The following MDGA2 variants were observed in gnomAD, a reference collection of about 807,000 sequenced individuals.
MDGA2 encodes MAM domain-containing glycosylphosphatidylinositol anchor protein 2.
Under a neutral mutation model 117.8 loss-of-function variants are expected in MDGA2, and 40 were observed. The observed-to-expected ratio is 0.34, with a 90% confidence interval of 0.26 to 0.44. The LOEUF (loss-of-function observed/expected upper bound fraction) is 0.44. MDGA2 is among the 20% of genes least tolerant of loss of function. MDGA2 has a pLI of 1.00. For missense variants in MDGA2, 1,123 were observed against 1,250.6 expected (o/e 0.90, Z 1.54); for synonymous variants, 452 against 439.0 (o/e 1.03, Z -0.37).
chr14:47,274,926 T>A (rs1368259571), intron 2 of MDGA2, among the ~76,000 whole-genome samples: 2 of 152,138 alleles, frequency 1.3e-5, no homozygotes, highest in Non-Finnish European at 2.9e-5. Context: ...TTTCTACTAT[T>A]GAGTTGTAAG....
In MDGA2 at chr14:46,884,810, G is replaced by C. The variant is rs1882606670; in HGVS notation, c.2239-2589C>G. On this transcript the variant is annotated intron_variant, in intron 10 of 16. Transcript: ENST00000399232. The surrounding 1 kb of genome is among the most constrained non-coding windows in gnomAD (Gnocchi z 4.1). ...ATTTAAATCAGTTAGGAAAAATACA[G>C]AAAAAATGTTATTATGATCTCAGGT... Among the ~76,000 whole-genome samples, 2 of 151,372 alleles carry C rather than the reference G, an allele frequency of 1.3e-5. No homozygotes were observed. Among genetic ancestry groups the C allele is most frequent in the African/African-American group, 4.9e-5 (2 of 41,196 alleles).
chr14:47,199,613 A>G (rs1197078230), intron 3 of MDGA2, among the ~76,000 whole-genome samples: 2 of 152,182 alleles, frequency 1.3e-5, no homozygotes, highest in African/African-American at 4.8e-5. Context: ...GAAGTCTACT[A>G]ATAAGATACT....
chr14:46,961,646 AT>A lies in MDGA2; in HGVS notation c.1820-4004del, dbSNP rs1269991261. On this transcript the variant is annotated intron_variant, in intron 8 of 16. Coordinates refer to ENST00000399232, the MANE Select transcript of MDGA2 (RefSeq NM_001113498.3). ...AGTAATTGTTTTATACTGCCTGATAATTTTTTTTTTTTTTGAGATGGAGTCT... is the reference window on the plus strand; with the variant it reads ...AGTAATTGTTTTATACTGCCTGATAATTTTTTTTTTTTTGAGATGGAGTCT... Among the ~76,000 whole-genome samples, 460 of 145,012 alleles carry A rather than the reference AT, an allele frequency of 3.2e-3. 4 individuals carry two copies. The highest frequency in any genetic ancestry group is 4.5e-3 in the Admixed American group (65 of 14,534).
intron 8 of MDGA2, among the ~76,000 whole-genome samples, chr14:47,017,990 C>A (rs1448719376): frequency 3.3e-5 from 5 of 151,966 alleles, no homozygotes; most frequent in Admixed American, 3.3e-4. Context: ...CCTGTTTTAT[C>A]TTCGATAGTC....
chr14:47,557,259 T>C (rs1023777574), intron 1 of MDGA2, among the ~76,000 whole-genome samples: 2 of 152,170 alleles, frequency 1.3e-5, no homozygotes, highest in East Asian at 3.8e-4. Context: ...GATTTACAAA[T>C]CTAATGGAAG....
chr14:47,030,684 G>T (rs141501887), intron 8 of MDGA2, among the ~76,000 whole-genome samples: 1 of 151,826 alleles, frequency 6.6e-6, no homozygotes, highest in African/African-American at 2.4e-5. Flanking sequence ...CAAAAAAATT[G>T]TATTATCATT....
rs1480852698 is a variant in MDGA2 at position 47,510,165 on chromosome 14, G to A, written c.280+164352C>T. Among the ~76,000 whole-genome samples the A allele has an allele frequency of 5.9e-5, 9 of 152,240 alleles. No individual in the cohort carries two copies. The South Asian group carries it at 8.3e-4, about 14-fold the overall frequency. On this transcript the variant is annotated intron_variant, in intron 1 of 16. Coordinates refer to ENST00000399232, the MANE Select transcript of MDGA2 (RefSeq NM_001113498.3). ...GAATGGGATTAGCATCCTCATAAAAGGGGCCCCGGAGAGCTCCCTCACCCT... is the reference window on the plus strand; with the variant it reads ...GAATGGGATTAGCATCCTCATAAAAAGGGCCCCGGAGAGCTCCCTCACCCT...
chr14:47,172,193 T>G (rs938539082), intron 3 of MDGA2, among the ~76,000 whole-genome samples: 10 of 152,226 alleles, frequency 6.6e-5, no homozygotes, highest in Middle Eastern at 3.4e-3. Context: ...CCTGCCTGCC[T>G]CTGTAGGCCC....
At chr14:47,069,446 T>C (rs1890200065) in intron 6 of MDGA2, among the ~76,000 whole-genome samples, 1 of 151,946 alleles carries the variant, frequency 6.6e-6, no homozygotes, top group Non-Finnish European at 1.5e-5. Flanking sequence ...TTCATTTGAG[T>C]TCTATCATTT....
chr14:47,469,767 C>T (rs1350593455), intron 1 of MDGA2, among the ~76,000 whole-genome samples: 1 of 152,112 alleles, frequency 6.6e-6, no homozygotes, highest in Non-Finnish European at 1.5e-5. Context: ...TACAGTCCCA[C>T]CAACAGTGTA....
intron 1 of MDGA2, among the ~76,000 whole-genome samples, chr14:47,434,868 G>A (rs1196263457): frequency 6.6e-6 from 1 of 152,108 alleles, no homozygotes; most frequent in Non-Finnish European, 1.5e-5. Flanking sequence ...GGGAGCGGTG[G>A]CTTATGCCTG....
At chr14:46,913,915 A>T (rs1391321434) in intron 10 of MDGA2, among the ~76,000 whole-genome samples, 1 of 152,188 alleles carries the variant, frequency 6.6e-6, no homozygotes, top group Admixed American at 6.5e-5. Context: ...GGGAGAGCAA[A>T]TAAGTATGAT....
intron 1 of MDGA2, among the ~76,000 whole-genome samples, chr14:47,463,854 G>A (rs1310103030): frequency 5.3e-5 from 8 of 151,926 alleles, no homozygotes; most frequent in Non-Finnish European, 1.0e-4. Context: ...AGGCTCAAAG[G>A]TTCTTCTGAT....
intron 14 of MDGA2, 184 bp downstream of exon 14, chr14:46,873,249 A>C (rs1273744682): frequency 3.9e-6 from 2 of 507,104 alleles, no homozygotes; most frequent in Admixed American, 3.9e-5. Context: ...GTCAAATTCC[A>C]AATCTAAATT....
intron 1 of MDGA2, among the ~76,000 whole-genome samples, chr14:47,523,958 T>G (rs1391336346): frequency 6.6e-6 from 1 of 152,168 alleles, no homozygotes; most frequent in Non-Finnish European, 1.5e-5. Context: ...GCAGTGGAAC[T>G]GACAATACTT....
chr14:47,587,754 G>T (rs935203297), intron 1 of MDGA2, among the ~76,000 whole-genome samples: 1 of 151,844 alleles, frequency 6.6e-6, no homozygotes, highest in Non-Finnish European at 1.5e-5. Context: ...ACAATTTTGT[G>T]TACAATTCAG....
intron 1 of MDGA2, among the ~76,000 whole-genome samples, chr14:47,656,589 G>A (rs972763296): frequency 6.6e-6 from 1 of 152,134 alleles, no homozygotes; most frequent in African/African-American, 2.4e-5. Context: ...TTGTTGGCTG[G>A]ACGCCTGCAA....
rs1339774475 is a variant in MDGA2 at position 46,965,049 on chromosome 14, G to A, written c.1820-7406C>T. ...CGCCATTCTCCTGCCTCAGCCTCCCGAGCAGCTGGGACTACAGGCGCCCGC... is the reference window on the plus strand; with the variant it reads ...CGCCATTCTCCTGCCTCAGCCTCCCAAGCAGCTGGGACTACAGGCGCCCGC... On this transcript the variant is annotated intron_variant, in intron 8 of 16. Coordinates refer to ENST00000399232, the MANE Select transcript of MDGA2 (RefSeq NM_001113498.3). 3.7e-5 allele frequency among the ~76,000 whole-genome samples: 5 copies of A among 134,918 alleles called. 2 individuals carry two copies. The highest frequency in any genetic ancestry group is 1.3e-4 in the African/African-American group (4 of 31,820). 88.5% of individuals were successfully genotyped at this position (134,918 alleles called of 152,430 possible). A position where few individuals can be genotyped will look rare whatever the true frequency, so the allele number is the denominator to read the frequency against.
At chr14:47,064,805 T>G (rs1168471088) in intron 6 of MDGA2, among the ~76,000 whole-genome samples, 2 of 152,140 alleles carry the variant, frequency 1.3e-5, no homozygotes, top group Non-Finnish European at 2.9e-5. Flanking sequence ...ACGCTCTCTT[T>G]TTCCGTGAAC....
Sources: allele counts gnomAD v4.1 joint callset (sites outside exome capture counted in the v4.1 genomes callset), GRCh38; gene constraint gnomAD v4.1.1; non-coding constraint Gnocchi (gnomAD v3.1); transcripts MANE v1.5; gene names NCBI Gene and HGNC (gene_info 2026-07-23, HGNC 2026-07-21).